Variants in COPG2 observed in about 807,000 individuals in gnomAD.
COPG2 encodes coatomer subunit gamma-2.
In COPG2, 37 loss-of-function variants were observed where a neutral mutation model predicts 46.3. The ratio of observed to expected loss-of-function variants is 0.80; its 90% confidence interval spans 0.61 to 1.05. COPG2 has a LOEUF of 1.05. Ranked by LOEUF, COPG2 falls within the 50% of genes least tolerant of loss-of-function variation. The pLI is 0.00. For missense variants in COPG2, 427 were observed against 387.8 expected, an observed-to-expected ratio of 1.10 and a Z score of -0.85; for synonymous variants, 159 against 129.7, an observed-to-expected ratio of 1.23 and a Z score of -1.53.
intron 12 of COPG2, among the ~76,000 whole-genome samples, chr7:130,559,187 A>C (rs1192501648): frequency 6.6e-6 from 1 of 152,156 alleles, no homozygotes; most frequent in African/African-American, 2.4e-5. Flanking sequence ...ATATACAAAA[A>C]AATTAAGGAA....
chr7:130,655,984 G>A (rs530645545), intron 4 of COPG2, among the ~76,000 whole-genome samples: 1 of 152,042 alleles, frequency 6.6e-6, no homozygotes, highest in Non-Finnish European at 1.5e-5. Flanking sequence ...AAAGAACACA[G>A]TCTATATGAT....
At chr7:130,656,685 C>A (rs1795860735) in intron 4 of COPG2, among the ~76,000 whole-genome samples, 1 of 151,934 alleles carries the variant, frequency 6.6e-6, no homozygotes, top group Non-Finnish European at 1.5e-5. Flanking sequence ...TACCAATAAA[C>A]AATACAAATA....
intron 9 of COPG2, among the ~76,000 whole-genome samples, chr7:130,574,539 GAAC>G (rs1444290386): frequency 2.0e-5 from 3 of 152,250 alleles, no homozygotes; most frequent in Admixed American, 6.5e-5. Flanking sequence ...AAAAGAATCA[GAAC>G]AACAGACTTC....
At chr7:130,665,649 G>A (rs2116273375) in intron 3 of COPG2, among the ~76,000 whole-genome samples, 1 of 152,142 alleles carries the variant, frequency 6.6e-6, no homozygotes, top group African/African-American at 2.4e-5. Flanking sequence ...TATATGGGAG[G>A]ATATGTGTAG....
intron 20 of COPG2, among the ~76,000 whole-genome samples, chr7:130,525,984 GA>G (rs1435184154): frequency 4.3e-5 from 4 of 93,624 alleles, no homozygotes; most frequent in Admixed American, 9.0e-5. Flanking sequence ...AATGGGTAAC[GA>G]AAGGGTAGAT....
chr7:130,637,883 T>C (rs1795376315), intron 5 of COPG2, among the ~76,000 whole-genome samples: 1 of 152,236 alleles, frequency 6.6e-6, no homozygotes, highest in Admixed American at 6.5e-5. Flanking sequence ...TCTTTGATGT[T>C]GGTGACCTTC....
rs1202184788 is a variant in COPG2, at chr7:130,631,911, ACT to A, written c.324-14848_324-14847del. Among the ~76,000 whole-genome samples, 6 of 152,118 alleles carry A rather than the reference ACT, an allele frequency of 3.9e-5. No homozygotes were observed. In the East Asian group the frequency reaches 7.7e-4, roughly 20 times the overall value. On this transcript the variant is annotated intron_variant, in intron 5 of 23. Coordinates refer to ENST00000425248, the MANE Select transcript of COPG2 (RefSeq NM_012133.6). The stretch of plus-strand genomic sequence containing the variant: ...AAAAATCCCTTTTATAATTAATGTG[ACT>A]CTGTCAGAGATAAATTCTTTCAGCG...
intron 20 of COPG2, among the ~76,000 whole-genome samples, chr7:130,535,503 G>A (rs888448539): frequency 2.3e-4 from 35 of 152,074 alleles, no homozygotes; most frequent in African/African-American, 7.7e-4. Flanking sequence ...GGTTCGGCAT[G>A]GGGAAGGGAA....
chr7:130,594,726 T>C (rs1554449494), intron 9 of COPG2, among the ~76,000 whole-genome samples: 1 of 152,194 alleles, frequency 6.6e-6, no homozygotes, highest in Non-Finnish European at 1.5e-5. Context: ...CCAAAGAAGA[T>C]ATGGAGATTG....
At chr7:130,626,752 T>C (rs1315671759) in intron 5 of COPG2, among the ~76,000 whole-genome samples, 1 of 152,258 alleles carries the variant, frequency 6.6e-6, no homozygotes, top group Non-Finnish European at 1.5e-5. Flanking sequence ...GACACCTGAT[T>C]GCCAAAAGGC....
rs561532387 is a variant in COPG2, at chr7:130,637,023, TTTTC to T, written c.323+15842_323+15845del. ...ATATAAAATTCCGGGCTGAAAATTC[TTTTC>T]TTTAAGAATGTTGAATATTGGCCCC... On this transcript the variant is annotated intron_variant, in intron 5 of 23. Transcript: ENST00000425248. Among the ~76,000 whole-genome samples, 83 of 152,380 alleles carry T rather than the reference TTTTC, an allele frequency of 5.4e-4. No homozygotes were observed. The East Asian group carries it at 0.015, about 28-fold the overall frequency.
chr7:130,561,163 A>G lies in COPG2; in HGVS notation c.998T>C (p.Ile333Thr). 1 of 398,580 alleles carries G rather than the reference A, an allele frequency of 2.5e-6. No homozygotes were observed. Among genetic ancestry groups the G allele is most frequent in the Middle Eastern group, 6.3e-4 (1 of 1,588 alleles). The allele number at this position is 398,580 out of a possible 1,614,324, so 24.7% of individuals were successfully genotyped here. A position where few individuals can be genotyped will look rare whatever the true frequency, so the allele number is the denominator to read the frequency against. The change falls in exon 12 of 24, where the codon ATC becomes ACC. Residue 333 changes from isoleucine to threonine, a missense_variant. Ile to Thr is a moderately conservative substitution (Grantham distance 89). Coordinates refer to ENST00000425248, the MANE Select transcript of COPG2 (RefSeq NM_012133.6). Reference protein sequence around the residue: ...TACNLDLENLITDSNRSIATL... With the variant: ...TACNLDLENLTTDSNRSIATL... Reference sequence around the variant, plus strand: ...AGCAATGCTTCTGTTTGAGTCTGTGATTAAGTTTTCTAAGTCCAGATTGCA... The same window carrying G: ...AGCAATGCTTCTGTTTGAGTCTGTGGTTAAGTTTTCTAAGTCCAGATTGCA...
chr7:130,599,882 C>G (rs887011362), intron 9 of COPG2, among the ~76,000 whole-genome samples: 3 of 152,132 alleles, frequency 2.0e-5, no homozygotes, highest in Non-Finnish European at 2.9e-5. Context: ...TGTTTCATAG[C>G]AACTGTATAT....
intron 5 of COPG2, among the ~76,000 whole-genome samples, chr7:130,646,942 CGT>C (rs1491298124): frequency 8.3e-5 from 10 of 120,598 alleles, no homozygotes; most frequent in African/African-American, 3.6e-4. Flanking sequence ...TATATATATA[CGT>C]ATATATATAT....
chr7:130,642,283 T>C (rs547944046), intron 5 of COPG2, among the ~76,000 whole-genome samples: 24 of 151,596 alleles, frequency 1.6e-4, no homozygotes, highest in African/African-American at 5.8e-4. Context: ...TACAATAAAA[T>C]GGACAACTGA....
intron 20 of COPG2, among the ~76,000 whole-genome samples, chr7:130,523,935 G>C (rs987690187): frequency 6.6e-6 from 1 of 151,948 alleles, no homozygotes; most frequent in African/African-American, 2.4e-5. Flanking sequence ...GAGTCAGGTT[G>C]AGACTGGGTG....
chr7:130,638,998 T>C (rs1795405647), intron 5 of COPG2, among the ~76,000 whole-genome samples: 1 of 152,172 alleles, frequency 6.6e-6, no homozygotes, highest in African/African-American at 2.4e-5. Flanking sequence ...CCCCAACCCC[T>C]TGCACTTCCC....
intron 4 of COPG2, among the ~76,000 whole-genome samples, chr7:130,659,952 A>C (rs1447475103): frequency 6.6e-6 from 1 of 152,238 alleles, no homozygotes; most frequent in Non-Finnish European, 1.5e-5. Flanking sequence ...TTATATTTTA[A>C]GACACACAAA....
intron 5 of COPG2, among the ~76,000 whole-genome samples, chr7:130,634,471 C>A (rs1467254319): frequency 6.6e-6 from 1 of 152,076 alleles, no homozygotes; most frequent in Non-Finnish European, 1.5e-5. Flanking sequence ...GTATTTTATT[C>A]TTTGTAGCAA....
Sources: gnomAD v4.1 joint callset for allele counts (sites outside exome capture counted in the v4.1 genomes callset) on GRCh38, gnomAD v4.1.1 for gene constraint, MANE v1.5 for transcripts, NCBI Gene and HGNC (gene_info 2026-07-23, HGNC 2026-07-21) for gene names.